DOCK8: variants seen among roughly 807,000 people sequenced by gnomAD.
The protein encoded by DOCK8 is dedicator of cytokinesis 8, also known as dedicator of cytokinesis protein 8.
In DOCK8, 141 loss-of-function variants were observed where a neutral mutation model predicts 245.6. The ratio of observed to expected loss-of-function variants is 0.57; its 90% CI spans 0.50 to 0.66. The LOEUF is 0.66. Ranked by LOEUF, DOCK8 falls within the 30% of genes least tolerant of loss-of-function variation. The pLI is 0.00. For synonymous variants in DOCK8, 1,168 were observed against 970.2 expected (o/e 1.20, Z -3.79); for missense variants, 2,965 against 2,603.4 (o/e 1.14, Z -3.02).
At chr9:375,794 T>A (rs1005826914) in intron 18 of DOCK8, among the ~76,000 whole-genome samples, 9 of 152,158 alleles carry the variant, frequency 5.9e-5, no homozygotes, top group Admixed American at 6.5e-5. Flanking sequence ...CCCAGAAGTT[T>A]GAGACCAGCT....
chr9:307,287 G>A (rs1404285945), intron 5 of DOCK8, among the ~76,000 whole-genome samples: 1 of 148,908 alleles, frequency 6.7e-6, no homozygotes, highest in African/African-American at 2.5e-5. Flanking sequence ...ACGCTTTCCT[G>A]CAGCATACTA....
intron 4 of DOCK8, among the ~76,000 whole-genome samples, chr9:301,622 C>T (rs545039129): frequency 2.0e-5 from 3 of 152,186 alleles, no homozygotes; most frequent in African/African-American, 7.2e-5. Flanking sequence ...CTAAAAGGCT[C>T]CTAGAACTGA....
In DOCK8 at chr9:463,833, G is replaced by C. The variant is rs2057889208; in HGVS notation, c.6239+146G>C. 8.2e-6 allele frequency: 8 copies of C among 970,722 alleles called. No individual in the cohort carries two copies. In the South Asian group the frequency reaches 1.0e-4, roughly 12 times the overall value. 60.1% of individuals were successfully genotyped at this position (970,722 alleles called of 1,614,324 possible). On this transcript the variant is annotated intron_variant, in intron 47 of 47. Coordinates refer to ENST00000432829, the MANE Select transcript of DOCK8 (RefSeq NM_203447.4). Reference sequence around the variant, plus strand: ...GGTCCCACAGTCAGAGAGGCTACCAGAGTGTGATTCATTCTGCCTCTGTCC... The same window carrying C: ...GGTCCCACAGTCAGAGAGGCTACCACAGTGTGATTCATTCTGCCTCTGTCC...
chr9:306,906 G>A (rs4741772), intron 5 of DOCK8, among the ~76,000 whole-genome samples: 137,517 of 152,178 alleles, frequency 0.9, 62,187 homozygotes, highest in Admixed American at 0.93. Flanking sequence ...TGGTGGTGTT[G>A]TCTCAAGATC....
chr9:286,751 C>T lies in DOCK8; in HGVS notation c.332+115C>T. 13 of 998,014 alleles carry T rather than the reference C, an allele frequency of 1.3e-5. No homozygotes were observed. The South Asian group carries it at 1.8e-4, about 13-fold the overall frequency. The allele number at this position is 998,014 out of a possible 1,614,324, so 61.8% of individuals were successfully genotyped here. Reference sequence around the variant, plus strand: ...AAAAATAAAATAAAATTACTCAATCCATTCAAATGTGTGGGACAGCTATAT... The same window carrying T: ...AAAAATAAAATAAAATTACTCAATCTATTCAAATGTGTGGGACAGCTATAT... On this transcript the variant is annotated intron_variant, in intron 3 of 47. Coordinates refer to ENST00000432829, the MANE Select transcript of DOCK8 (RefSeq NM_203447.4).
upstream of DOCK8, among the ~76,000 whole-genome samples, chr9:212,372 A>G (rs552234001): frequency 6.6e-6 from 1 of 152,202 alleles, no homozygotes; most frequent in African/African-American, 2.4e-5. Context: ...TGAAAAACAA[A>G]ATTGAATGAC....
At chr9:228,238 G>A (rs1241673879) in intron 1 of DOCK8, among the ~76,000 whole-genome samples, 1 of 152,110 alleles carries the variant, frequency 6.6e-6, no homozygotes, top group Non-Finnish European at 1.5e-5. Flanking sequence ...ATCTTACAGA[G>A]GAAGGATGTG....
At chr9:416,168 G>A (rs1337290647) in intron 29 of DOCK8, among the ~76,000 whole-genome samples, 1 of 152,184 alleles carries the variant, frequency 6.6e-6, no homozygotes, top group Admixed American at 6.5e-5. Flanking sequence ...ATAGAAACAA[G>A]CTCAGCACAC....
In DOCK8 at chr9:214,980, G is replaced by A. The variant is rs995474571; in HGVS notation, c.4G>A (p.Ala2Thr). The change falls in exon 1 of 48, where the codon GCC becomes ACC. Residue 2 changes from alanine (A) to threonine (T), a missense_variant. Transcript: ENST00000432829. Reference sequence around the variant, plus strand: ...GCCACCGAACCGCCGGCGGGCCATGGCCACTCTGCCGAGCGCAGAGCGCCG... The same window carrying A: ...GCCACCGAACCGCCGGCGGGCCATGACCACTCTGCCGAGCGCAGAGCGCCG... M[A>T]TLPSAERRAF... is the part of the protein sequence containing the mutation. 10 of 1,600,894 alleles carry A rather than the reference G, an allele frequency of 6.2e-6. No homozygotes were observed. The African/African-American group carries it at 1.1e-4, about 17-fold the overall frequency.
intron 38 of DOCK8, 126 bp downstream of exon 38, chr9:434,101 A>G: frequency 1.4e-6 from 1 of 732,610 alleles, no homozygotes; most frequent in Non-Finnish European, 2.4e-6. Context: ...GCCAAATAAT[A>G]TATAGAAATT....
At chr9:368,242 C>A (rs757689360) in intron 15 of DOCK8, 107 bp downstream of exon 15, 7 of 943,602 alleles carry the variant, frequency 7.4e-6, no homozygotes, top group Non-Finnish European at 1.1e-5. Flanking sequence ...CTATTCCAGG[C>A]CAATACTGCT....
intron 1 of DOCK8, among the ~76,000 whole-genome samples, chr9:250,068 T>A (rs560016363): frequency 1.3e-5 from 2 of 152,226 alleles, no homozygotes; most frequent in Non-Finnish European, 2.9e-5. Flanking sequence ...TGTAACAGTC[T>A]GAACTCCTCC....
intron 13 of DOCK8, among the ~76,000 whole-genome samples, chr9:339,905 G>T (rs1444393205): frequency 6.6e-6 from 1 of 151,906 alleles, no homozygotes; most frequent in Non-Finnish European, 1.5e-5. Flanking sequence ...ATTCAGGAAA[G>T]AACTTTAAAA....
intron 7 of DOCK8, among the ~76,000 whole-genome samples, chr9:318,195 TCTC>T (rs1479413219): frequency 6.6e-6 from 1 of 152,192 alleles, no homozygotes; most frequent in East Asian, 1.9e-4. Flanking sequence ...AAGAATTAGT[TCTC>T]CTTCAAATCC....
intron 7 of DOCK8, among the ~76,000 whole-genome samples, chr9:323,107 A>AT (rs2050594195): frequency 6.6e-6 from 1 of 151,472 alleles, no homozygotes; most frequent in Non-Finnish European, 1.5e-5. Context: ...AAAAAAAAAA[A>AT]AGAAAGCCCC....
At chr9:262,602 T>C (rs1235590803) in intron 1 of DOCK8, among the ~76,000 whole-genome samples, 1 of 151,480 alleles carries the variant, frequency 6.6e-6, no homozygotes, top group Non-Finnish European at 1.5e-5. Context: ...TATGATTCTA[T>C]TTATGTAAAA....
intron 1 of DOCK8, among the ~76,000 whole-genome samples, chr9:236,050 C>G (rs897577779): frequency 6.6e-6 from 1 of 152,188 alleles, no homozygotes; most frequent in African/African-American, 2.4e-5. Flanking sequence ...GGCTCCTCCC[C>G]TTATTTATTT....
intron 44 of DOCK8, among the ~76,000 whole-genome samples, chr9:448,964 G>A (rs1355801413): frequency 6.6e-6 from 1 of 152,220 alleles, no homozygotes; most frequent in African/African-American, 2.4e-5. Flanking sequence ...ACCCTCAGTT[G>A]GAGAAGGCAC....
chr9:211,755 C>T (rs1297055929), upstream of DOCK8, among the ~76,000 whole-genome samples: 1 of 151,998 alleles, frequency 6.6e-6, no homozygotes, highest in African/African-American at 2.4e-5. Flanking sequence ...CTCTGTGATC[C>T]AAAGACCGTG....
Sources: allele counts gnomAD v4.1 joint callset (sites outside exome capture counted in the v4.1 genomes callset), GRCh38; gene constraint gnomAD v4.1.1; transcripts MANE v1.5; gene names NCBI Gene and HGNC (gene_info 2026-07-23, HGNC 2026-07-21).